The following SORBS2 variants were observed in gnomAD, a reference collection of about 807,000 sequenced individuals.
The protein encoded by SORBS2 is sorbin and SH3 domain-containing protein 2.
A neutral mutation model predicts 97.7 loss-of-function variants in SORBS2; 46 were observed. That is an observed-to-expected ratio of 0.47 (90% CI 0.37 to 0.60). The LOEUF (loss-of-function observed/expected upper bound fraction) is 0.60. SORBS2 is among the 20% of genes least tolerant of loss of function. The pLI, the probability that SORBS2 is intolerant of heterozygous loss-of-function variation, is 0.00. For missense variants in SORBS2, 1,316 were observed against 1,282.3 expected, an observed-to-expected ratio of 1.03 and a Z score of -0.40; for synonymous variants, 476 against 473.4, an observed-to-expected ratio of 1.01 and a Z score of -0.07.
intron 1 of SORBS2, among the ~76,000 whole-genome samples, chr4:185,797,652 C>T (rs970552706): frequency 3.3e-5 from 5 of 152,154 alleles, no homozygotes; most frequent in African/African-American, 7.2e-5. Context: ...TCTCTTCCCC[C>T]TAAGTAGGGA....
intron 1 of SORBS2, among the ~76,000 whole-genome samples, chr4:185,893,967 C>A (rs1212982774): frequency 6.6e-6 from 1 of 152,080 alleles, no homozygotes; most frequent in African/African-American, 2.4e-5. Context: ...GACAAGGGTG[C>A]CTCGGAGCCT....
intron 1 of SORBS2, among the ~76,000 whole-genome samples, chr4:185,806,235 C>T (rs1464967031): frequency 6.6e-6 from 1 of 152,134 alleles, no homozygotes; most frequent in African/African-American, 2.4e-5. Context: ...CTGTCCTCAG[C>T]GAGAAGTAAG....
intron 2 of SORBS2, among the ~76,000 whole-genome samples, chr4:185,747,688 C>G (rs1473979442): frequency 6.6e-6 from 1 of 152,058 alleles, no homozygotes; most frequent in Non-Finnish European, 1.5e-5. Context: ...TGCACTACTC[C>G]GTGCCTGGAG....
intron 1 of SORBS2, chr4:185,812,799 GC>G (rs1382306377): frequency 6.6e-6 from 1 of 152,112 alleles, no homozygotes; most frequent in Non-Finnish European, 1.5e-5. Flanking sequence ...ACTTTAAGAT[GC>G]TTTTTATGCA....
At chr4:185,720,133 G>A (rs2098500839) in intron 2 of SORBS2, among the ~76,000 whole-genome samples, 1 of 152,320 alleles carries the variant, frequency 6.6e-6, no homozygotes, top group South Asian at 2.1e-4. Flanking sequence ...GAGAAAGACA[G>A]AGCAATAAAT....
intron 2 of SORBS2, among the ~76,000 whole-genome samples, chr4:185,729,851 C>T (rs2098600601): frequency 6.6e-6 from 1 of 152,132 alleles, no homozygotes; most frequent in Non-Finnish European, 1.5e-5. Flanking sequence ...GAACTTTTGG[C>T]TCTAACATTA....
At chr4:185,894,995 A>T (rs530502871) in intron 1 of SORBS2, among the ~76,000 whole-genome samples, 104 of 152,332 alleles carry the variant, frequency 6.8e-4, no homozygotes, top group Middle Eastern at 3.4e-3. Flanking sequence ...ATGGCCAGGC[A>T]TCAGTGTTTT....
chr4:185,925,308 C>T (rs1013168716), intron 1 of SORBS2, among the ~76,000 whole-genome samples: 7 of 152,092 alleles, frequency 4.6e-5, no homozygotes, highest in Admixed American at 2.6e-4. Flanking sequence ...AATTGATAAA[C>T]GCATTGTCTT....
intron 2 of SORBS2, among the ~76,000 whole-genome samples, chr4:185,681,320 A>G (rs1407809745): frequency 6.6e-6 from 1 of 152,018 alleles, no homozygotes; most frequent in Non-Finnish European, 1.5e-5. Flanking sequence ...AGGAAAGACT[A>G]GGAGAGGGAG....
In SORBS2 at chr4:185,715,652, G is replaced by A. The variant is rs573812695; in HGVS notation, c.-197-36830C>T. On this transcript the variant is annotated intron_variant, in intron 2 of 20. Coordinates refer to the SORBS2 transcript ENST00000284776. ...TAGATTAAAAAGTACTTTATGTAGCGAGTAGAACATTTCTGGAACTCAACA... is the reference window on the plus strand; with the variant it reads ...TAGATTAAAAAGTACTTTATGTAGCAAGTAGAACATTTCTGGAACTCAACA... Among the ~76,000 whole-genome samples the A allele has an allele frequency of 3.9e-5, 6 of 152,260 alleles. No homozygotes were observed. The South Asian group carries it at 1.2e-3, about 32-fold the overall frequency.
At chr4:185,652,180 C>T (rs1167838129) in intron 2 of SORBS2, among the ~76,000 whole-genome samples, 1 of 152,116 alleles carries the variant, frequency 6.6e-6, no homozygotes, top group Non-Finnish European at 1.5e-5. Context: ...GTCTTGCTGC[C>T]CTCTTCGTAG....
At chr4:185,660,735 A>G (rs115544283), upstream of SORBS2, among the ~76,000 whole-genome samples, 1,606 of 152,230 alleles carry the variant, frequency 0.011, 36 homozygotes, top group African/African-American at 0.038. Context: ...ATGGTGGTTC[A>G]AGTCCTGGGT....
At chr4:185,720,826 C>T (rs1007057651) in intron 2 of SORBS2, among the ~76,000 whole-genome samples, 5 of 152,110 alleles carry the variant, frequency 3.3e-5, no homozygotes, top group Non-Finnish European at 7.4e-5. Context: ...TGAAATGAGG[C>T]CGTGTGGGAT....
chr4:185,841,382 T>A (rs1381361697), intron 1 of SORBS2, among the ~76,000 whole-genome samples: 1 of 152,102 alleles, frequency 6.6e-6, no homozygotes, highest in Admixed American at 6.5e-5. Flanking sequence ...GTAAAATCGA[T>A]TGCACTTGCT....
At chr4:185,601,607 G>A (rs2096263844) in intron 12 of SORBS2, among the ~76,000 whole-genome samples, 2 of 152,140 alleles carry the variant, frequency 1.3e-5, no homozygotes, top group African/African-American at 4.8e-5. Context: ...CGTTGTTTAA[G>A]CTATAATTAT....
chr4:185,759,069 G>A (rs531350027), intron 2 of SORBS2, among the ~76,000 whole-genome samples: 1 of 152,292 alleles, frequency 6.6e-6, no homozygotes, highest in African/African-American at 2.4e-5. Flanking sequence ...TGTCTCAAGC[G>A]CTCAGAACAG....
chr4:185,812,485 T>C (rs2099188450), intron 1 of SORBS2, among the ~76,000 whole-genome samples: 1 of 152,234 alleles, frequency 6.6e-6, no homozygotes, highest in South Asian at 2.1e-4. Context: ...GCCGGGGCTA[T>C]GTATGAAATC....
chr4:185,642,002 C>T (rs892219687), intron 4 of SORBS2, among the ~76,000 whole-genome samples: 8 of 152,144 alleles, frequency 5.3e-5, no homozygotes, highest in Non-Finnish European at 1.0e-4. Flanking sequence ...GCTTTCTATA[C>T]GTTGTTCTAA....
At chr4:185,677,477 A>G in intron 4 of SORBS2, 1 of 1,551,984 alleles carries the variant, frequency 6.4e-7, no homozygotes, top group Non-Finnish European at 8.7e-7. Context: ...TCGAATCTTC[A>G]TTGGAATACA....
Sources: allele counts gnomAD v4.1 joint callset (sites outside exome capture counted in the v4.1 genomes callset), GRCh38; gene constraint gnomAD v4.1.1; transcripts MANE v1.5; gene names NCBI Gene and HGNC (gene_info 2026-07-23, HGNC 2026-07-21).